ACCSL: variants seen among roughly 807,000 people sequenced by gnomAD.
The protein encoded by ACCSL is probable inactive 1-aminocyclopropane-1-carboxylate synthase-like protein 2.
A neutral mutation model predicts 61.7 loss-of-function variants in ACCSL; 55 were observed. The observed-to-expected ratio is 0.89, with a 90% confidence interval of 0.72 to 1.12. The LOEUF is 1.12. Among genes scored for constraint, ACCSL ranks in the 50% most tolerant of loss-of-function variants. The pLI is 0.00. For missense variants in ACCSL, 632 were observed against 698.0 expected (o/e 0.91, Z 1.07); for synonymous variants, 258 against 264.3 (o/e 0.98, Z 0.23).
Position 44,053,391 on chromosome 11 carries a change from T to C in ACCSL, c.949-15T>C, listed in dbSNP as rs764855175. The C allele has an allele frequency of 1.9e-5, 31 of 1,610,822 alleles. No homozygotes were observed. In the Middle Eastern group the frequency reaches 6.6e-4, roughly 34 times the overall value. ...AGGACTTGTATTCACTCAGTTATAT[T>C]TGGGTTTTTCTTAGGGGAAAAAGGT... On this transcript the variant is annotated splice_polypyrimidine_tract_variant and intron_variant, in intron 7 of 13. Coordinates refer to ENST00000378832, the MANE Select transcript of ACCSL (RefSeq NM_001031854.2).
At chr11:43,952,628 A>G in the ACCSL span, among the ~76,000 whole-genome samples, 1 of 152,110 alleles carries the variant, frequency 6.6e-6, no homozygotes, top group Admixed American at 6.5e-5. Context: ...TGCTCAATTG[A>G]TCATGACCCT....
the ACCSL span, among the ~76,000 whole-genome samples, chr11:43,936,024 G>T: frequency 6.6e-6 from 1 of 152,188 alleles, no homozygotes; most frequent in African/African-American, 2.4e-5. Context: ...TGCTGGGCAG[G>T]TCCCCAGTAC....
At position 44,050,053 on chromosome 11, in the gene ACCSL, C is replaced by T; in HGVS notation, c.505-9C>T. 6.2e-7 allele frequency: 1 copy of T among 1,614,142 alleles called. No homozygotes were observed. The highest frequency in any genetic ancestry group is 1.1e-5 in the South Asian group (1 of 91,078). On this transcript the variant is annotated splice_polypyrimidine_tract_variant and intron_variant, in intron 1 of 13. Coordinates refer to ENST00000378832, the MANE Select transcript of ACCSL (RefSeq NM_001031854.2). ...GACTGACCTGATCTTGGATTCCTTCCATCTCCAGGGTTTCATTAACCTTGG... is the reference window on the plus strand; with the variant it reads ...GACTGACCTGATCTTGGATTCCTTCTATCTCCAGGGTTTCATTAACCTTGG...
chr11:44,005,133 C>T, the ACCSL span, among the ~76,000 whole-genome samples: 2 of 146,416 alleles, frequency 1.4e-5, no homozygotes, highest in South Asian at 2.3e-4. Context: ...CCATTGTACA[C>T]GACAGCTGTA....
At chr11:43,960,174 C>G in the ACCSL span, among the ~76,000 whole-genome samples, 163 of 152,270 alleles carry the variant, frequency 1.1e-3, no homozygotes, top group East Asian at 0.03. Flanking sequence ...GCCCCATGTA[C>G]CATAACACCC....
the ACCSL span, among the ~76,000 whole-genome samples, chr11:44,036,864 G>C: frequency 6.6e-6 from 1 of 151,826 alleles, no homozygotes; most frequent in Non-Finnish European, 1.5e-5. Flanking sequence ...ACCTCTCTCT[G>C]GACCACAGTT....
At chr11:44,000,151 G>A in the ACCSL span, among the ~76,000 whole-genome samples, 2 of 152,044 alleles carry the variant, frequency 1.3e-5, no homozygotes, top group Non-Finnish European at 2.9e-5. Context: ...TTGAGATGGA[G>A]TCTTGCTCTG....
the ACCSL span, among the ~76,000 whole-genome samples, chr11:43,989,945 G>A: frequency 6.6e-6 from 1 of 152,220 alleles, no homozygotes; most frequent in Non-Finnish European, 1.5e-5. Context: ...TGCCTTGTCT[G>A]AGTTCCAGGT....
the ACCSL span, among the ~76,000 whole-genome samples, chr11:43,929,756 GC>G: frequency 1.2e-4 from 18 of 152,290 alleles, no homozygotes; most frequent in African/African-American, 4.1e-4. Flanking sequence ...CATGGCTCAG[GC>G]TGGTTTCAAA....
At chr11:43,992,054 CTTTT>C in the ACCSL span, among the ~76,000 whole-genome samples, 3 of 114,150 alleles carry the variant, frequency 2.6e-5, no homozygotes, top group Non-Finnish European at 3.4e-5. Context: ...TTCTTTCTTT[CTTTT>C]TTTTTTTTTT....
chr11:44,035,824 G>C, the ACCSL span, among the ~76,000 whole-genome samples: 51 of 151,146 alleles, frequency 3.4e-4, no homozygotes, highest in Non-Finnish European at 5.9e-4. Flanking sequence ...TGTAGTCCTA[G>C]CTACTGAAGT....
the ACCSL span, among the ~76,000 whole-genome samples, chr11:43,951,766 C>T: frequency 0.01 from 1,584 of 152,244 alleles, 33 homozygotes; most frequent in African/African-American, 0.036. Context: ...CCTGGGAGGC[C>T]GAGTCAGGTG....
At chr11:43,979,336 A>C in the ACCSL span, among the ~76,000 whole-genome samples, 1 of 152,114 alleles carries the variant, frequency 6.6e-6, no homozygotes, top group Non-Finnish European at 1.5e-5. Flanking sequence ...TGTCTCAAAA[A>C]AGAAAAAAAC....
At chr11:44,024,890 T>C in the ACCSL span, among the ~76,000 whole-genome samples, 4 of 152,236 alleles carry the variant, frequency 2.6e-5, no homozygotes, top group Non-Finnish European at 4.4e-5. Context: ...ATGCATAGAA[T>C]TGTTATGTTT....
chr11:44,023,987 T>C, the ACCSL span, among the ~76,000 whole-genome samples: 1 of 152,210 alleles, frequency 6.6e-6, no homozygotes, highest in African/African-American at 2.4e-5. Flanking sequence ...GATGGTTAAC[T>C]CTGTGTGTCA....
At chr11:44,040,783 A>G in the ACCSL span, among the ~76,000 whole-genome samples, 1 of 150,590 alleles carries the variant, frequency 6.6e-6, no homozygotes, top group Non-Finnish European at 1.5e-5. Flanking sequence ...CCAGTGAGGT[A>G]GGGTCCCTCA....
the ACCSL span, among the ~76,000 whole-genome samples, chr11:43,934,952 G>T: frequency 3.9e-5 from 6 of 152,152 alleles, no homozygotes; most frequent in South Asian, 2.1e-4. Context: ...AGGGACGATG[G>T]GGGAGGTGGT....
chr11:44,006,344 C>T, the ACCSL span, among the ~76,000 whole-genome samples: 1 of 152,244 alleles, frequency 6.6e-6, no homozygotes, highest in South Asian at 2.1e-4. Context: ...AGGCCCCTTC[C>T]AGCTCTGGGT....
At chr11:44,051,179 G>A (rs1043392443) in intron 3 of ACCSL, among the ~76,000 whole-genome samples, 156 bp from the exon 4 acceptor site, 2 of 152,160 alleles carry the variant, frequency 1.3e-5, no homozygotes, top group Non-Finnish European at 2.9e-5. Context: ...TTTATTGTCT[G>A]TGTGACTTGG....
Sources: gnomAD v4.1 joint callset for allele counts (sites outside exome capture counted in the v4.1 genomes callset) on GRCh38, gnomAD v4.1.1 for gene constraint, MANE v1.5 for transcripts, NCBI Gene and HGNC (gene_info 2026-07-23, HGNC 2026-07-21) for gene names.